Variants in FHL2 observed in about 807,000 individuals in gnomAD.
FHL2 encodes the protein four and a half LIM domains protein 2.
A neutral mutation model predicts 32.7 loss-of-function variants in FHL2; 20 were observed. The observed-to-expected ratio is 0.61, with a 90% CI of 0.43 to 0.89. FHL2 has a LOEUF of 0.89. FHL2 is among the 40% of genes least tolerant of loss of function. FHL2 has a pLI of 0.00. For missense variants in FHL2, 311 were observed against 358.6 expected, an observed-to-expected ratio of 0.87 and a Z score of 1.07; for synonymous variants, 123 against 128.1, an observed-to-expected ratio of 0.96 and a Z score of 0.27.
At chr2:105,385,008 C>A (rs1240465167) in intron 3 of FHL2, among the ~76,000 whole-genome samples, 2 of 152,210 alleles carry the variant, frequency 1.3e-5, no homozygotes, top group African/African-American at 2.4e-5. Flanking sequence ...GCAGGCAAGA[C>A]AGGATACAGG....
At chr2:105,399,277 G>C (rs1162273596), upstream of FHL2, 4 of 1,535,704 alleles carry the variant, frequency 2.6e-6, no homozygotes, top group Non-Finnish European at 3.5e-6. Flanking sequence ...GAGCACAGTA[G>C]TTATCGGGAG....
At chr2:105,435,667 C>A (rs1041217349) in intron 1 of FHL2, among the ~76,000 whole-genome samples, 1 of 151,974 alleles carries the variant, frequency 6.6e-6, no homozygotes, top group Non-Finnish European at 1.5e-5. Context: ...ACTAAAAAAA[C>A]AAAAATTAGC....
chr2:105,413,842 G>A (rs1308605776), intron 1 of FHL2, among the ~76,000 whole-genome samples: 2 of 152,078 alleles, frequency 1.3e-5, no homozygotes, highest in African/African-American at 4.8e-5. Context: ...CCCAGATGGG[G>A]GTAATTTTCC....
intron 1 of FHL2, 93 bp from the exon 2 acceptor site, chr2:105,396,790 G>C: frequency 1.8e-6 from 2 of 1,117,518 alleles, no homozygotes; most frequent in South Asian, 1.4e-5. Flanking sequence ...AATAAATGTG[G>C]CTTTGATCAA....
intron 4 of FHL2, among the ~76,000 whole-genome samples, chr2:105,372,152 C>G (rs1008964215): frequency 8.5e-5 from 13 of 152,188 alleles, no homozygotes; most frequent in African/African-American, 3.1e-4. Context: ...AATGTAGTGG[C>G]AGTAAGAAAC....
intron 5 of FHL2, among the ~76,000 whole-genome samples, chr2:105,364,379 A>G (rs1558680312): frequency 2.6e-5 from 4 of 152,218 alleles, no homozygotes. Flanking sequence ...GACAGCCGGG[A>G]CTAGCACCTG....
At chr2:105,373,508 C>A in intron 4 of FHL2, 51 bp downstream of exon 4, 2 of 1,606,432 alleles carry the variant, frequency 1.2e-6, no homozygotes, top group South Asian at 2.2e-5. Context: ...GGAACGTGCA[C>A]AAGGCTTGAA....
chr2:105,372,110 C>G (rs754364193), intron 4 of FHL2, among the ~76,000 whole-genome samples: 11 of 152,198 alleles, frequency 7.2e-5, no homozygotes, highest in Non-Finnish European at 1.6e-4. Context: ...CATAGTGTGT[C>G]ACAGTTGTTT....
rs187960215 is a variant in FHL2 at position 105,388,107 on chromosome 2, C to T, written c.-24-1567G>A. Among the ~76,000 whole-genome samples the T allele has an allele frequency of 9.5e-3, 1,442 of 152,028 alleles. 20 individuals carry two copies. Among genetic ancestry groups the T allele is most frequent in the African/African-American group, 0.033 (1,349 of 41,458 alleles). On this transcript the variant is annotated intron_variant, in intron 2 of 6. Transcript: ENST00000530340. Reference sequence around the variant, plus strand: ...CAACAGACGCTGGGGTCTACTTGAGCGGGGAGGGAGGATGGCAGGAGAGAG... The same window carrying T: ...CAACAGACGCTGGGGTCTACTTGAGTGGGGAGGGAGGATGGCAGGAGAGAG...
intron 1 of FHL2, among the ~76,000 whole-genome samples, chr2:105,416,317 A>C (rs1228857337): frequency 6.6e-6 from 1 of 152,240 alleles, no homozygotes; most frequent in African/African-American, 2.4e-5. Context: ...AATAGAAGAC[A>C]GCTGGAAAGC....
intron 1 of FHL2, among the ~76,000 whole-genome samples, chr2:105,421,914 T>C (rs1337092816): frequency 6.6e-6 from 1 of 152,250 alleles, no homozygotes; most frequent in Non-Finnish European, 1.5e-5. Context: ...ATGTTTCTAT[T>C]ACCCACCATG....
chr2:105,412,004 G>A (rs1683807598), intron 1 of FHL2, among the ~76,000 whole-genome samples: 1 of 152,082 alleles, frequency 6.6e-6, no homozygotes, highest in African/African-American at 2.4e-5. Flanking sequence ...CAGAAGGGAG[G>A]GAGCCAGCTG....
chr2:105,411,768 G>A (rs1345482067), intron 1 of FHL2, among the ~76,000 whole-genome samples: 2 of 151,314 alleles, frequency 1.3e-5, no homozygotes, highest in East Asian at 3.9e-4. Flanking sequence ...GTTGTGGTAA[G>A]CCGAGATCAC....
intron 1 of FHL2, among the ~76,000 whole-genome samples, chr2:105,411,229 A>G (rs1192328929): frequency 6.6e-6 from 1 of 152,146 alleles, no homozygotes; most frequent in East Asian, 1.9e-4. Context: ...TGCGTCCTAA[A>G]CTGTAGATGC....
At chr2:105,437,124 G>A (rs1307779412) in intron 1 of FHL2, among the ~76,000 whole-genome samples, 3 of 152,188 alleles carry the variant, frequency 2.0e-5, no homozygotes, top group African/African-American at 7.2e-5. Context: ...TGGGTGAGCA[G>A]TCAGGGAACC....
At chr2:105,403,936 T>C (rs1683550133), upstream of FHL2, among the ~76,000 whole-genome samples, 1 of 152,186 alleles carries the variant, frequency 6.6e-6, no homozygotes, top group African/African-American at 2.4e-5. Flanking sequence ...TTTCATTCTC[T>C]GGGAGAGGCC....
At chr2:105,409,685 T>C (rs566992514) in intron 1 of FHL2, among the ~76,000 whole-genome samples, 1 of 152,314 alleles carries the variant, frequency 6.6e-6, no homozygotes, top group East Asian at 1.9e-4. Flanking sequence ...ATCTAGGCTC[T>C]TTGTCCCAGA....
rs139042564 is a variant in FHL2 at position 105,364,254 on chromosome 2, AAAAACAAAAC to A, written c.502-793_502-784del. On this transcript the variant is annotated intron_variant, in intron 5 of 6. Transcript: ENST00000530340. ...CTGGACAACAGAGTGAGACTGTCTC[AAAAACAAAAC>A]AAAACAAAACAAAACAAAAACCCTG... 8.1e-3 allele frequency among the ~76,000 whole-genome samples: 1,227 copies of A among 151,380 alleles called. 15 individuals are homozygous for A. Among genetic ancestry groups the A allele is most frequent in the African/African-American group, 0.028 (1,175 of 41,332 alleles).
At position 105,361,106 on chromosome 2, in the gene FHL2, G is replaced by A. The variant is rs1224479747; in HGVS notation, c.*177C>T. On this transcript the variant is annotated 3_prime_UTR_variant, in exon 7 of 7. Coordinates refer to ENST00000530340, the MANE Select transcript of FHL2 (RefSeq NM_001318895.3). ...CCTAGGGCGAGTTTTCTCTTTCCCT[G>A]GGACTGAACTATCACAAAGCACTAA... 41 of 551,722 alleles carry A rather than the reference G, an allele frequency of 7.4e-5. No individual in the cohort carries two copies. The highest frequency in any genetic ancestry group is 1.1e-4 in the Non-Finnish European group (38 of 332,510). The allele number at this position is 551,722 out of a possible 1,614,324, so 34.2% of individuals were successfully genotyped here.
Sources: gnomAD v4.1 joint callset for allele counts (sites outside exome capture counted in the v4.1 genomes callset) on GRCh38, gnomAD v4.1.1 for gene constraint, MANE v1.5 for transcripts, NCBI Gene and HGNC (gene_info 2026-07-23, HGNC 2026-07-21) for gene names.